The following ELP4 variants were observed in gnomAD, a reference collection of about 807,000 sequenced individuals.
ELP4 encodes elongator complex protein 4.
A neutral mutation model predicts 48.9 loss-of-function variants in ELP4; 51 were observed. The observed-to-expected ratio is 1.04, with a 90% CI of 0.83 to 1.32. The LOEUF is 1.32. ELP4 is among the 40% of genes most tolerant of loss of function. The pLI, the probability that ELP4 is intolerant of heterozygous loss-of-function variation, is 0.00. For synonymous variants in ELP4, 210 were observed against 189.2 expected, an observed-to-expected ratio of 1.11 and a Z score of -0.90; for missense variants, 519 against 514.6, an observed-to-expected ratio of 1.01 and a Z score of -0.08.
chr11:31,672,336 C>CT (rs1945828163), intron 9 of ELP4, among the ~76,000 whole-genome samples: 1 of 152,056 alleles, frequency 6.6e-6, no homozygotes. Context: ...ACGATTATTA[C>CT]TTTTTTAAAA....
At chr11:31,549,798 T>C (rs941049352) in intron 3 of ELP4, among the ~76,000 whole-genome samples, 6 of 152,232 alleles carry the variant, frequency 3.9e-5, no homozygotes, top group African/African-American at 1.2e-4. Context: ...CATGGAATAC[T>C]ATGCAGCCAC....
At chr11:31,713,555 C>T (rs1946784076) in intron 9 of ELP4, among the ~76,000 whole-genome samples, 1 of 152,110 alleles carries the variant, frequency 6.6e-6, no homozygotes, top group South Asian at 2.1e-4. Context: ...TAGAAATCTA[C>T]TATTAATGTT....
intron 9 of ELP4, among the ~76,000 whole-genome samples, chr11:31,685,723 A>T (rs1185577601): frequency 6.6e-6 from 1 of 152,208 alleles, no homozygotes; most frequent in Non-Finnish European, 1.5e-5. Context: ...CGAGGTCAAG[A>T]GATCGAGATC....
intron 1 of ELP4, among the ~76,000 whole-genome samples, chr11:31,514,085 G>A (rs548265749): frequency 6.6e-6 from 1 of 152,068 alleles, no homozygotes; most frequent in Non-Finnish European, 1.5e-5. Flanking sequence ...ATTCTTTTGT[G>A]TACATAAAGT....
intron 9 of ELP4, among the ~76,000 whole-genome samples, chr11:31,688,004 G>A (rs1946198493): frequency 6.6e-6 from 1 of 152,190 alleles, no homozygotes. Flanking sequence ...CAGCGTGTTG[G>A]ATAAATGTGA....
chr11:31,699,847 G>A (rs1387646432), intron 9 of ELP4, among the ~76,000 whole-genome samples: 1 of 152,084 alleles, frequency 6.6e-6, no homozygotes, highest in African/African-American at 2.4e-5. Flanking sequence ...TGCCCAAAAA[G>A]CATGATCATG....
At chr11:31,674,905 C>T (rs1945887890) in intron 9 of ELP4, among the ~76,000 whole-genome samples, 1 of 151,988 alleles carries the variant, frequency 6.6e-6, no homozygotes, top group Admixed American at 6.5e-5. Context: ...ATAGCAGTAG[C>T]AATGTCTTCA....
intron 4 of ELP4, among the ~76,000 whole-genome samples, chr11:31,602,634 A>G (rs1436539538): frequency 6.6e-6 from 1 of 151,936 alleles, no homozygotes; most frequent in Non-Finnish European, 1.5e-5. Context: ...ATAATTTCCT[A>G]TTGGTAGGCA....
intron 3 of ELP4, among the ~76,000 whole-genome samples, chr11:31,567,086 A>G (rs1957125282): frequency 6.6e-6 from 1 of 151,612 alleles, no homozygotes; most frequent in Non-Finnish European, 1.5e-5. Context: ...ATGCGCCACC[A>G]CCGCACCTGG....
chr11:31,669,717 GTGGAAAACTAA>G (rs1271612637), intron 9 of ELP4, among the ~76,000 whole-genome samples: 1 of 152,130 alleles, frequency 6.6e-6, no homozygotes, highest in African/African-American at 2.4e-5. Flanking sequence ...TGTGGAATGA[GTGGAAAACTAA>G]TGTTTAACTC....
At chr11:31,510,095 T>C (rs1158177614) in intron 1 of ELP4, 88 bp downstream of exon 1, 1 of 1,221,910 alleles carries the variant, frequency 8.2e-7, no homozygotes, top group Non-Finnish European at 1.2e-6. Context: ...CCACATCTCT[T>C]TCTGACCCCT....
chr11:31,638,970 AT>A (rs1220655440), intron 7 of ELP4, among the ~76,000 whole-genome samples: 2 of 151,826 alleles, frequency 1.3e-5, no homozygotes, highest in South Asian at 2.1e-4. Flanking sequence ...TTGGGAAAAT[AT>A]TTTTTATCTA....
intron 3 of ELP4, among the ~76,000 whole-genome samples, chr11:31,592,644 T>C (rs920324162): frequency 6.6e-6 from 1 of 151,472 alleles, no homozygotes; most frequent in Non-Finnish European, 1.5e-5. Flanking sequence ...TAAAGTGTAT[T>C]TTCTGTACAT....
intron 1 of ELP4, among the ~76,000 whole-genome samples, chr11:31,514,824 TG>T (rs932850339): frequency 7.2e-5 from 11 of 152,102 alleles, no homozygotes; most frequent in Admixed American, 7.2e-4. Flanking sequence ...ATTTATTTTT[TG>T]GTTGGAGCAT....
At chr11:31,524,050 A>G (rs1956256622) in intron 2 of ELP4, among the ~76,000 whole-genome samples, 1 of 152,152 alleles carries the variant, frequency 6.6e-6, no homozygotes, top group Non-Finnish European at 1.5e-5. Context: ...AATCTTTTAC[A>G]TTAATTATGT....
chr11:31,531,499 G>A (rs1216984510), intron 2 of ELP4, among the ~76,000 whole-genome samples: 1 of 152,178 alleles, frequency 6.6e-6, no homozygotes, highest in African/African-American at 2.4e-5. Context: ...CTTAATAATG[G>A]TGCCACCTAA....
Position 31,705,707 on chromosome 11 carries a change from T to C in ELP4, c.1143+55486T>C, listed in dbSNP as rs544396027. On this transcript the variant is annotated intron_variant, in intron 9 of 9. Coordinates refer to ENST00000640961, the MANE Select transcript of ELP4 (RefSeq NM_019040.5). ...TAAAGGAAAAAGTGGACCACCATTATCAATATGTCTATTAATTTCTCTAGA... is the reference window on the plus strand; with the variant it reads ...TAAAGGAAAAAGTGGACCACCATTACCAATATGTCTATTAATTTCTCTAGA... 2.0e-4 allele frequency among the ~76,000 whole-genome samples: 31 copies of C among 152,348 alleles called. No homozygotes were observed. In the South Asian group the frequency reaches 6.2e-3, roughly 31 times the overall value.
At chr11:31,762,329 A>G (rs1592289379) in intron 9 of ELP4, among the ~76,000 whole-genome samples, 1 of 152,340 alleles carries the variant, frequency 6.6e-6, no homozygotes, top group Admixed American at 6.5e-5. Flanking sequence ...GTTTATTTAA[A>G]TGATTTTTTC....
chr11:31,582,853 C>T (rs1957412199), intron 3 of ELP4, among the ~76,000 whole-genome samples: 1 of 152,018 alleles, frequency 6.6e-6, no homozygotes, highest in African/African-American at 2.4e-5. Flanking sequence ...TGCCTTCTGC[C>T]CTTCTGAAAG....
Sources: allele counts gnomAD v4.1 joint callset (sites outside exome capture counted in the v4.1 genomes callset), GRCh38; gene constraint gnomAD v4.1.1; transcripts MANE v1.5; gene names NCBI Gene and HGNC (gene_info 2026-07-23, HGNC 2026-07-21).